Variants in GPRIN3 observed in about 807,000 individuals in gnomAD.
GPRIN3 encodes the protein GPRIN family member 3.
Under a neutral mutation model 13.7 loss-of-function variants are expected in GPRIN3, and 12 were observed. That is an observed-to-expected ratio of 0.87 (90% CI 0.56 to 1.42). GPRIN3 has a LOEUF of 1.42. Among genes scored for constraint, GPRIN3 ranks in the 40% most tolerant of loss-of-function variants. The probability of loss-of-function intolerance (pLI) is 0.00; values close to 1 mark genes in which losing one functional copy is unlikely to be tolerated. For missense variants in GPRIN3, 1,009 were observed against 958.7 expected, an observed-to-expected ratio of 1.05 and a Z score of -0.69; for synonymous variants, 377 against 372.7, an observed-to-expected ratio of 1.01 and a Z score of -0.13.
Position 89,244,130 on chromosome 4 carries a change from AT to A in GPRIN3, c.*3649del, listed in dbSNP as rs1723022209. ...CATTCCCAGAAATGAGAGGAAAAAC[AT>A]TAGTATAAGCTAGGAACAGTGAAAC... On this transcript the variant is annotated 3_prime_UTR_variant, in exon 2 of 2. Transcript: ENST00000609438. The A allele has an allele frequency of 1.3e-5, 2 of 152,216 alleles. No individual in the cohort carries two copies. The highest frequency in any genetic ancestry group is 2.9e-5 in the Non-Finnish European group (2 of 68,024). The allele number at this position is 152,216 out of a possible 1,614,324, so 9.4% of individuals were successfully genotyped here. A position where few individuals can be genotyped will look rare whatever the true frequency, so the allele number is the denominator to read the frequency against.
At chr4:89,275,403 G>A (rs552396727) in intron 1 of GPRIN3, among the ~76,000 whole-genome samples, 5 of 152,232 alleles carry the variant, frequency 3.3e-5, no homozygotes, top group Admixed American at 6.5e-5. Context: ...GTACCCTGTC[G>A]AGAGCCAGCA....
intron 1 of GPRIN3, among the ~76,000 whole-genome samples, chr4:89,301,037 A>C (rs183353880): frequency 6.6e-6 from 1 of 152,350 alleles, no homozygotes; most frequent in East Asian, 1.9e-4. Flanking sequence ...GTATAAATTT[A>C]AGAATCATGC....
intron 1 of GPRIN3, among the ~76,000 whole-genome samples, chr4:89,269,009 T>C (rs1723855701): frequency 6.6e-6 from 1 of 152,090 alleles, no homozygotes; most frequent in South Asian, 2.1e-4. Context: ...AAGGAGAAGC[T>C]CATGAGTTTG....
intron 1 of GPRIN3, among the ~76,000 whole-genome samples, chr4:89,256,166 C>T (rs1331957969): frequency 6.6e-6 from 1 of 152,032 alleles, no homozygotes; most frequent in Non-Finnish European, 1.5e-5. Context: ...TCCTTATTAA[C>T]TGTAACCATG....
intron 1 of GPRIN3, among the ~76,000 whole-genome samples, chr4:89,270,579 A>ATTTATATATGTATATAATT (rs1553951348): frequency 4.9e-5 from 5 of 101,048 alleles, no homozygotes; most frequent in African/African-American, 2.2e-4. Context: ...ATATATATAT[A>ATTTATATATGTATATAATT]TATATATATA....
intron 1 of GPRIN3, among the ~76,000 whole-genome samples, chr4:89,307,269 T>TCACACACACACACACACA (rs57752539): frequency 5.5e-4 from 81 of 147,270 alleles, no homozygotes; most frequent in African/African-American, 2.0e-3. Flanking sequence ...GAGACAAATG[T>TCACACACACACACACACA]CACACACACA....
At chr4:89,286,544 T>C (rs1724418481) in intron 1 of GPRIN3, among the ~76,000 whole-genome samples, 1 of 152,186 alleles carries the variant, frequency 6.6e-6, no homozygotes, top group Admixed American at 6.5e-5. Context: ...TTTATAGTTC[T>C]CTTGCCTTTT....
intron 1 of GPRIN3, among the ~76,000 whole-genome samples, chr4:89,257,028 A>G (rs1723484940): frequency 6.6e-6 from 1 of 152,204 alleles, no homozygotes; most frequent in East Asian, 1.9e-4. Context: ...TCTTTCTTTA[A>G]AAACATCATA....
Position 89,248,976 on chromosome 4 carries a change from G to A in GPRIN3, c.1135C>T (p.Pro379Ser). 1 of 1,614,152 alleles carries A rather than the reference G, an allele frequency of 6.2e-7. No individual in the cohort carries two copies. Among genetic ancestry groups the A allele is most frequent in the Non-Finnish European group, 8.5e-7 (1 of 1,180,008 alleles). Reference protein sequence around the residue: ...TLELSDSTLAPQESSQCPGIM... With the variant: ...TLELSDSTLASQESSQCPGIM... ...CCAGGGCACTGGCTGGACTCCTGGG[G>A]GGCTAGCGTGCTGTCAGAGAGCTCC... The change falls in exon 2 of 2, where the codon CCC becomes TCC. Residue 379 changes from proline (P) to serine (S), a missense_variant. Physicochemically the swap from Pro to Ser is moderately conservative, Grantham distance 74. Transcript: ENST00000609438.
In GPRIN3 at chr4:89,258,231, AT is replaced by A. The variant is rs34494592; in HGVS notation, c.-123-7999del. On this transcript the variant is annotated intron_variant, in intron 1 of 1. Coordinates refer to ENST00000609438, the MANE Select transcript of GPRIN3 (RefSeq NM_198281.3). ...ACTTGTAGAATGGTTAAGCCTGAGCATTTTTTTTTTTTGAGACAGAGTCTTG... is the reference window on the plus strand; with the variant it reads ...ACTTGTAGAATGGTTAAGCCTGAGCATTTTTTTTTTTGAGACAGAGTCTTG... Among the ~76,000 whole-genome samples, 1,155 of 147,826 alleles carry A rather than the reference AT, an allele frequency of 7.8e-3. 15 individuals carry two copies. Among genetic ancestry groups the A allele is most frequent in the African/African-American group, 0.025 (1,025 of 40,412 alleles).
At chr4:89,304,270 G>T (rs965125140) in intron 1 of GPRIN3, among the ~76,000 whole-genome samples, 1 of 152,076 alleles carries the variant, frequency 6.6e-6, no homozygotes, top group African/African-American at 2.4e-5. Flanking sequence ...CAGATCTCTT[G>T]GTCGGCTCTT....
rs1723009489 is a variant in GPRIN3, at chr4:89,243,694, A to G, written c.*4086T>C. The G allele has an allele frequency of 6.6e-6, 1 of 152,244 alleles. No individual in the cohort carries two copies. Among genetic ancestry groups the G allele is most frequent in the Non-Finnish European group, 1.5e-5 (1 of 68,052 alleles). The allele number at this position is 152,244 out of a possible 1,614,324, so 9.4% of individuals were successfully genotyped here. ...CTTAGAACAAAGCAGGAGAGAGTAAACAGCATCATCTCCATGGCAGCATTA... is the reference window on the plus strand; with the variant it reads ...CTTAGAACAAAGCAGGAGAGAGTAAGCAGCATCATCTCCATGGCAGCATTA... On this transcript the variant is annotated 3_prime_UTR_variant, in exon 2 of 2. Coordinates refer to ENST00000609438, the MANE Select transcript of GPRIN3 (RefSeq NM_198281.3).
Position 89,240,383 on chromosome 4 carries a change from G to A in GPRIN3, c.*7397C>T, listed in dbSNP as rs1221493706. Reference sequence around the variant, plus strand: ...TCATTTAAATCTTTGACTTCTCTTCGGTGTTGGTAGGCATAGTTTTGCTGA... The same window carrying A: ...TCATTTAAATCTTTGACTTCTCTTCAGTGTTGGTAGGCATAGTTTTGCTGA... On this transcript the variant is annotated 3_prime_UTR_variant, in exon 2 of 2. Coordinates refer to ENST00000609438, the MANE Select transcript of GPRIN3 (RefSeq NM_198281.3). The A allele has an allele frequency of 1.3e-5, 2 of 151,820 alleles. No homozygotes were observed. The highest frequency in any genetic ancestry group is 2.9e-5 in the Non-Finnish European group (2 of 68,000). The allele number at this position is 151,820 out of a possible 1,614,324, so 9.4% of individuals were successfully genotyped here. A position where few individuals can be genotyped will look rare whatever the true frequency, so the allele number is the denominator to read the frequency against.
At chr4:89,303,224 G>A (rs960436668) in intron 1 of GPRIN3, among the ~76,000 whole-genome samples, 2 of 152,222 alleles carry the variant, frequency 1.3e-5, no homozygotes, top group East Asian at 1.9e-4. Context: ...AAGAAAATAT[G>A]GCAGATGCTG....
At chr4:89,291,587 TTTGAG>T (rs1328102570) in intron 1 of GPRIN3, among the ~76,000 whole-genome samples, 4 of 152,218 alleles carry the variant, frequency 2.6e-5, no homozygotes, top group Non-Finnish European at 5.9e-5. Context: ...TTGAGGGACA[TTTGAG>T]TTATTTCCCA....
chr4:89,278,469 T>C (rs1434027495), intron 1 of GPRIN3, among the ~76,000 whole-genome samples: 1 of 152,216 alleles, frequency 6.6e-6, no homozygotes, highest in African/African-American at 2.4e-5. Flanking sequence ...TTATTAATTA[T>C]GTCTATATTT....
At chr4:89,260,942 A>T (rs1164490605) in intron 1 of GPRIN3, among the ~76,000 whole-genome samples, 1 of 152,172 alleles carries the variant, frequency 6.6e-6, no homozygotes, top group Non-Finnish European at 1.5e-5. Context: ...AATAAGACAC[A>T]CTTATGTCTC....
chr4:89,272,002 T>C (rs1723964829), intron 1 of GPRIN3, among the ~76,000 whole-genome samples: 1 of 152,168 alleles, frequency 6.6e-6, no homozygotes, highest in Non-Finnish European at 1.5e-5. Context: ...CTCCTTCCCA[T>C]GTGAGGTTGT....
chr4:89,255,374 C>T (rs1723438675), intron 1 of GPRIN3, among the ~76,000 whole-genome samples: 1 of 152,170 alleles, frequency 6.6e-6, no homozygotes, highest in Non-Finnish European at 1.5e-5. Context: ...AAGTGTTAGC[C>T]TCTTTTAGAA....
Sources: gnomAD v4.1 joint callset for allele counts (sites outside exome capture counted in the v4.1 genomes callset) on GRCh38, gnomAD v4.1.1 for gene constraint, MANE v1.5 for transcripts, NCBI Gene and HGNC (gene_info 2026-07-23, HGNC 2026-07-21) for gene names.